Variants in ANO8 observed in about 807,000 individuals in gnomAD.
The protein encoded by ANO8 is anoctamin-8.
In ANO8, 67 loss-of-function variants were observed where a neutral mutation model predicts 120.4. The ratio of observed to expected loss-of-function variants is 0.56; its 90% CI spans 0.46 to 0.68. The LOEUF (loss-of-function observed/expected upper bound fraction) is 0.68. Ranked by LOEUF, ANO8 falls within the 30% of genes least tolerant of loss-of-function variation. The pLI is 0.00. For synonymous variants in ANO8, 727 were observed against 759.2 expected (o/e 0.96, Z 0.70); for missense variants, 1,526 against 1,737.6 (o/e 0.88, Z 2.16).
rs937925251 is a variant in ANO8, at chr19:17,328,621, CTCCTCGTCG to C, written c.1758_1766del (p.Asp586_Glu588del). ...CCTCCTCTTCCTCCTCGTCCTCCTC[CTCCTCGTCG>C]TCCTCGTCCTCCTCCTTGCCCCCTG... On this transcript the variant is annotated inframe_deletion, in exon 13 of 18. Coordinates refer to ENST00000159087, the MANE Select transcript of ANO8 (RefSeq NM_020959.3). 1.3e-6 allele frequency: 2 copies of C among 1,538,272 alleles called. No individual in the cohort carries two copies. The highest frequency in any genetic ancestry group is 1.4e-5 in the African/African-American group (1 of 72,572).
Position 17,330,027 on chromosome 19 carries a change from G to A in ANO8, c.1274-13C>T, listed in dbSNP as rs371324827. 1.1e-5 allele frequency: 17 copies of A among 1,613,894 alleles called. No homozygotes were observed. The highest frequency in any genetic ancestry group is 1.0e-4 in the Admixed American group (6 of 59,994). The stretch of plus-strand genomic sequence containing the variant: ...AGCCGGTAATTTTCTAGGGGCCAAG[G>A]GGGGGAGTGAGGGGGCAGCCGCGGT... On this transcript the variant is annotated splice_polypyrimidine_tract_variant and intron_variant, in intron 10 of 17. Coordinates refer to ENST00000159087, the MANE Select transcript of ANO8 (RefSeq NM_020959.3).
At chr19:17,324,028 C>T in intron 17 of ANO8, 144 bp from the exon 18 acceptor site, 2 of 951,538 alleles carry the variant, frequency 2.1e-6, no homozygotes, top group Non-Finnish European at 2.5e-6. Context: ...GTGGGGCGGC[C>T]CCCTGGGCGG....
chr19:17,324,730 T>G lies in ANO8; in HGVS notation c.3318A>C (p.Glu1106Asp), dbSNP rs773819494. The G allele has an allele frequency of 6.6e-7, 1 of 1,524,282 alleles. No homozygotes were observed. Among genetic ancestry groups the G allele is most frequent in the Non-Finnish European group, 8.8e-7 (1 of 1,138,938 alleles). 94.4% of individuals were successfully genotyped at this position (1,524,282 alleles called of 1,614,324 possible). Reference sequence around the variant, plus strand: ...AAAGCTTGTGACCTGAGCCTTCCTCTTCGGGCCGGGGGGCTTCCAGCTCCT... The same window carrying G: ...AAAGCTTGTGACCTGAGCCTTCCTCGTCGGGCCGGGGGGCTTCCAGCTCCT... The part of the protein sequence containing the change: ...LAEELEAPRP[E>D]EEGSGTALAP... The change falls in exon 17 of 18, where the codon GAA (glutamate) becomes GAC (aspartate). Residue 1106 changes from glutamate to aspartate, a missense_variant. Physicochemically the swap from Glu to Asp is conservative, Grantham distance 45 (BLOSUM62 2). Around this residue, in one of 8 missense-constraint regions of ANO8, gnomAD observed 489 missense variants for 548.6 expected, o/e 0.89. Transcript: ENST00000159087.
intron 16 of ANO8, 72 bp downstream of exon 16, chr19:17,327,163 T>A: frequency 1.2e-5 from 16 of 1,303,550 alleles, no homozygotes; most frequent in Non-Finnish European, 1.7e-5. Flanking sequence ...CGCTAAGGAA[T>A]TGGCCACCAA....
Position 17,325,152 on chromosome 19 carries a change from G to A in ANO8, c.2896C>T (p.Pro966Ser). The A allele has an allele frequency of 1.2e-6, 2 of 1,613,544 alleles. No individual in the cohort carries two copies. The highest frequency in any genetic ancestry group is 1.7e-6 in the Non-Finnish European group (2 of 1,179,928). Reference sequence around the variant, plus strand: ...TTGTTGGGTGCCAGCAGGGACCCTGGGCGCTTGGGCCGTTCAGGCCCGTGG... The same window carrying A: ...TTGTTGGGTGCCAGCAGGGACCCTGAGCGCTTGGGCCGTTCAGGCCCGTGG... ...GGHGPERPKR[P>S]GSLLAPNNVM... Residue 966 changes from proline (P) to serine (S), a missense_variant, in exon 17 of 18, where the codon CCA becomes TCA. Physicochemically the swap from Pro to Ser is moderately conservative, Grantham distance 74. Around this residue, in one of 8 missense-constraint regions of ANO8, gnomAD observed 489 missense variants for 548.6 expected, o/e 0.89. Transcript: ENST00000159087.
At chr19:17,334,157 C>T (rs1047165989) in intron 1 of ANO8, among the ~76,000 whole-genome samples, 4 of 152,246 alleles carry the variant, frequency 2.6e-5, no homozygotes, top group Non-Finnish European at 5.9e-5. Context: ...GTTCTTACCC[C>T]CATTTCACAG....
chr19:17,328,555 CCCGCAGT>C lies in ANO8; in HGVS notation c.1826_1832del (p.Asp609GlyfsTer4). The C allele has an allele frequency of 6.5e-7, 1 of 1,548,694 alleles. No individual in the cohort carries two copies. Among genetic ancestry groups the C allele is most frequent in the Non-Finnish European group, 8.7e-7 (1 of 1,147,372 alleles). ...CGAAGCTGACCTTCTTCAGCCGGAG[CCCGCAGT>C]CCAGGAGGCCCCCTTCCTCGCCCTC... On this transcript the variant is annotated frameshift_variant, in exon 13 of 18. Coordinates refer to ENST00000159087, the MANE Select transcript of ANO8 (RefSeq NM_020959.3). LOFTEE classifies it high-confidence loss of function.
At chr19:17,334,533 A>T (rs746887906) in intron 1 of ANO8, 32 bp downstream of exon 1, 1 of 1,508,754 alleles carries the variant, frequency 6.6e-7, no homozygotes, top group South Asian at 1.2e-5. Context: ...AGGCACCTGC[A>T]ACCCTGTCTG....
Position 17,333,239 on chromosome 19 carries a change from G to A in ANO8, c.351C>T (p.Ser117=). Residue 117 remains serine (S), a splice_region_variant and synonymous_variant, in exon 4 of 18, where the codon AGC becomes AGT. Transcript: ENST00000159087. The surrounding 1 kb of genome is among the most constrained non-coding windows in gnomAD (Gnocchi z 7.2). ...YAFFVTATYE[S]LLRGADELGL... is the part of the protein sequence containing the mutation. ...CCAGCTCGTCGGCCCCTCGGAGTAGGCTGTGAAGAAGGCGGAGGAGGTGGG... is the reference window on the plus strand; with the variant it reads ...CCAGCTCGTCGGCCCCTCGGAGTAGACTGTGAAGAAGGCGGAGGAGGTGGG... The A allele has an allele frequency of 6.2e-7, 1 of 1,608,796 alleles. No individual in the cohort carries two copies. Among genetic ancestry groups the A allele is most frequent in the Non-Finnish European group, 8.5e-7 (1 of 1,176,620 alleles).
At chr19:17,330,719 C>A in intron 8 of ANO8, 109 bp downstream of exon 8, 1 of 1,482,718 alleles carries the variant, frequency 6.7e-7, no homozygotes, top group South Asian at 1.3e-5. Flanking sequence ...GGCATACCCT[C>A]TTTGATGAAA....
At chr19:17,331,931 CTT>C (rs71180396) in intron 5 of ANO8, among the ~76,000 whole-genome samples, 11,127 of 78,148 alleles carry the variant, frequency 0.14, 506 homozygotes, top group Non-Finnish European at 0.17. Context: ...CCGCGCCCGG[CTT>C]TTTTTTTTTT....
chr19:17,323,817 C>T lies in ANO8; in HGVS notation c.3399G>A (p.Pro1133=), dbSNP rs1181253191. The T allele has an allele frequency of 1.9e-5, 22 of 1,138,010 alleles. No individual in the cohort carries two copies. The highest frequency in any genetic ancestry group is 3.3e-5 in the African/African-American group (2 of 60,464). 70.5% of individuals were successfully genotyped at this position (1,138,010 alleles called of 1,614,324 possible). Residue 1133 remains proline (P), a synonymous_variant, in exon 18 of 18, where the codon CCG becomes CCA. Coordinates refer to ENST00000159087, the MANE Select transcript of ANO8 (RefSeq NM_020959.3). Reference sequence around the variant, plus strand: ...GGGGCCGGGGCAGCGGCATTGGCGGCGGCGGCGCGGGGCTCCGGCTGCGGC... The same window carrying T: ...GGGGCCGGGGCAGCGGCATTGGCGGTGGCGGCGCGGGGCTCCGGCTGCGGC... ...RTRRSRSPAP[P]PPMPLPRPPT...
intron 13 of ANO8, 114 bp from the exon 14 acceptor site, chr19:17,327,994 C>CA (rs2074284631): frequency 6.9e-7 from 1 of 1,442,266 alleles, no homozygotes; most frequent in Non-Finnish European, 9.3e-7. Context: ...TCCCCATCCT[C>CA]AGCCAGCCCA....
chr19:17,331,825 G>GTT (rs2074320612), intron 5 of ANO8, among the ~76,000 whole-genome samples: 1 of 151,718 alleles, frequency 6.6e-6, no homozygotes, highest in African/African-American at 2.4e-5. Context: ...TAGAGACGGG[G>GTT]TTTCGCCATG....
chr19:17,331,573 C>T (rs542754227), intron 5 of ANO8, among the ~76,000 whole-genome samples, 162 bp from the exon 6 acceptor site: 6 of 152,132 alleles, frequency 3.9e-5, no homozygotes. Flanking sequence ...TCTGATTCTC[C>T]TTCAGAAATT....
intron 12 of ANO8, 35 bp downstream of exon 12, chr19:17,329,722 G>A: frequency 6.3e-7 from 1 of 1,583,924 alleles, no homozygotes; most frequent in Non-Finnish European, 8.6e-7. Flanking sequence ...CCGCCATGGG[G>A]GCAGGGGGGA....
chr19:17,327,916 T>A (rs2074284042), intron 13 of ANO8, 36 bp from the exon 14 acceptor site: 3 of 1,597,934 alleles, frequency 1.9e-6, no homozygotes, highest in Non-Finnish European at 2.6e-6. Flanking sequence ...GGAAGCCTCT[T>A]CCCTGGGACA....
chr19:17,327,654 TG>T (rs1443377200), intron 14 of ANO8, 34 bp downstream of exon 14: 1 of 1,609,284 alleles, frequency 6.2e-7, no homozygotes, highest in African/African-American at 1.3e-5. Flanking sequence ...GGGCTCCCTC[TG>T]GGCCTCAGCT....
Position 17,325,124 on chromosome 19 carries a change from A to T in ANO8, c.2924T>A (p.Val975Asp), listed in dbSNP as rs755694239. The change falls in exon 17 of 18, where the codon GTC (valine) becomes GAC (aspartate). Residue 975 changes from valine to aspartate, a missense_variant. Around this residue, in one of 8 missense-constraint regions of ANO8, gnomAD observed 489 missense variants for 548.6 expected, o/e 0.89. Transcript: ENST00000159087. ...TGGGATGATCTGCTTCAACTTCATG[A>T]CGTTGTTGGGTGCCAGCAGGGACCC... is the stretch of plus-strand genomic sequence containing the variant. ...RPGSLLAPNN[V>D]MKLKQIIPLQ... is the part of the protein sequence containing the mutation. 6.2e-6 allele frequency: 10 copies of T among 1,613,668 alleles called. No individual in the cohort carries two copies. The highest frequency in any genetic ancestry group is 8.5e-6 in the Non-Finnish European group (10 of 1,179,946).
Sources: allele counts gnomAD v4.1 joint callset (sites outside exome capture counted in the v4.1 genomes callset), GRCh38; gene constraint gnomAD v4.1.1; regional missense constraint gnomAD v4.1.1; non-coding constraint Gnocchi (gnomAD v3.1); transcripts MANE v1.5; gene names NCBI Gene and HGNC (gene_info 2026-07-23, HGNC 2026-07-21).